GRXCR2: variants seen among roughly 807,000 people sequenced by gnomAD.
GRXCR2 encodes the protein glutaredoxin domain-containing cysteine-rich protein 2.
GRXCR2 carries 23 observed loss-of-function variants against 24.8 expected under a neutral mutation model. The ratio of observed to expected loss-of-function variants is 0.93; its 90% confidence interval spans 0.67 to 1.32. The LOEUF (loss-of-function observed/expected upper bound fraction) is 1.32. Among genes scored for constraint, GRXCR2 ranks in the 40% most tolerant of loss-of-function variants. The pLI is 0.00. For synonymous variants in GRXCR2, 130 were observed against 116.1 expected (o/e 1.12, Z -0.77); for missense variants, 315 against 303.4 (o/e 1.04, Z -0.28).
chr5:145,908,177 C>CT (rs1757116209), intron 2 of GRXCR2, among the ~76,000 whole-genome samples: 1 of 152,144 alleles, frequency 6.6e-6, no homozygotes, highest in Non-Finnish European at 1.5e-5. Context: ...CCTCCAATCT[C>CT]AGAAGTCGAT....
rs1242005137 is a variant in GRXCR2, at chr5:145,858,968, A to T, written c.*765T>A. 1 of 152,208 alleles carries T rather than the reference A, an allele frequency of 6.6e-6. No individual in the cohort carries two copies. Among genetic ancestry groups the T allele is most frequent in the East Asian group, 1.9e-4 (1 of 5,206 alleles). The allele number at this position is 152,208 out of a possible 1,614,324, so 9.4% of individuals were successfully genotyped here. A position where few individuals can be genotyped will look rare whatever the true frequency, so the allele number is the denominator to read the frequency against. On this transcript the variant is annotated 3_prime_UTR_variant, in exon 3 of 3. Coordinates refer to ENST00000377976, the MANE Select transcript of GRXCR2 (RefSeq NM_001080516.2). ...AAGTGGATTTATTTATTTGGTAGTA[A>T]TTCAGGGGCTCGAAGAAGTTATATC...
upstream of GRXCR2, among the ~76,000 whole-genome samples, chr5:145,875,423 C>T (rs1756598228): frequency 6.6e-6 from 1 of 152,080 alleles, no homozygotes; most frequent in Non-Finnish European, 1.5e-5. Context: ...GTGGCAGGCA[C>T]TTATAGTCCC....
chr5:145,897,600 T>A (rs1333192173), intron 2 of GRXCR2, among the ~76,000 whole-genome samples: 1 of 151,754 alleles, frequency 6.6e-6, no homozygotes, highest in African/African-American at 2.4e-5. Context: ...CCAAAAAAAA[T>A]CACAATTATA....
At chr5:145,868,682 A>G (rs1210964534) in intron 1 of GRXCR2, among the ~76,000 whole-genome samples, 1 of 152,172 alleles carries the variant, frequency 6.6e-6, no homozygotes, top group Non-Finnish European at 1.5e-5. Flanking sequence ...TTTCAAGACA[A>G]AACTCTCAAT....
At chr5:145,863,578 T>C (rs553724793) in intron 2 of GRXCR2, among the ~76,000 whole-genome samples, 248 of 152,358 alleles carry the variant, frequency 1.6e-3, no homozygotes, top group African/African-American at 5.8e-3. Flanking sequence ...GTATGATAGA[T>C]AATAGAATTA....
chr5:145,858,314 C>CCCAAA (rs1756273789), downstream of GRXCR2, among the ~76,000 whole-genome samples: 1 of 28,488 alleles, frequency 3.5e-5, no homozygotes, highest in Non-Finnish European at 8.0e-5. Flanking sequence ...CTCTGTCTCC[C>CCCAAA]ACAAAAAAAA....
At chr5:145,896,769 C>T (rs1026821072) in intron 2 of GRXCR2, among the ~76,000 whole-genome samples, 28 of 152,116 alleles carry the variant, frequency 1.8e-4, no homozygotes, top group African/African-American at 6.5e-4. Context: ...TTTGACCCAG[C>T]AATCCCATTA....
chr5:145,890,652 C>A (rs1042528998), intron 2 of GRXCR2, among the ~76,000 whole-genome samples: 7 of 152,056 alleles, frequency 4.6e-5, no homozygotes, highest in Non-Finnish European at 1.0e-4. Context: ...AGAATGATAC[C>A]TGTTACCACA....
intron 2 of GRXCR2, among the ~76,000 whole-genome samples, chr5:145,916,118 C>T (rs975163229): frequency 3.9e-5 from 6 of 151,910 alleles, no homozygotes; most frequent in Admixed American, 6.6e-5. Context: ...GTGGAGGAAG[C>T]GGGGGGCGCT....
chr5:145,873,143 C>A (rs1756562476), upstream of GRXCR2: 3 of 601,660 alleles, frequency 5.0e-6, no homozygotes, highest in East Asian at 8.3e-5. Context: ...GATAGACCCT[C>A]ATGAAAAGGC....
At chr5:145,881,746 A>G (rs1040054586) in intron 2 of GRXCR2, among the ~76,000 whole-genome samples, 1 of 152,242 alleles carries the variant, frequency 6.6e-6, no homozygotes, top group African/African-American at 2.4e-5. Flanking sequence ...AACTGGAGGC[A>G]TCATGCTACC....
At position 145,905,930 on chromosome 5, in the gene GRXCR2, G is replaced by T. The variant is rs189061658; in HGVS notation, c.-70+29771C>A. On this transcript the variant is annotated intron_variant, in intron 2 of 3. Coordinates refer to the GRXCR2 transcript ENST00000639411. ...TAGCAAAGAGAATGTGGGAGTGCTT[G>T]GTGAGAGAGAAAACCAGAGGAATAG... is the stretch of plus-strand genomic sequence containing the variant. Among the ~76,000 whole-genome samples the T allele has an allele frequency of 6.5e-4, 99 of 152,302 alleles. 1 individual carries two copies. The highest frequency in any genetic ancestry group is 2.8e-4 in the Non-Finnish European group (19 of 68,032).
chr5:145,860,771 T>A (rs1756323760), intron 2 of GRXCR2, among the ~76,000 whole-genome samples: 1 of 152,178 alleles, frequency 6.6e-6, no homozygotes, highest in South Asian at 2.1e-4. Context: ...CCTCTCCCAA[T>A]CTGTTTCTTT....
At chr5:145,879,150 G>A (rs1349515727) in intron 2 of GRXCR2, among the ~76,000 whole-genome samples, 1 of 152,098 alleles carries the variant, frequency 6.6e-6, no homozygotes, top group Non-Finnish European at 1.5e-5. Context: ...AGGCAAAATA[G>A]CCAGCTAACA....
chr5:145,926,805 A>G lies in GRXCR2; in HGVS notation c.-70+8896T>C, dbSNP rs559648098. ...TTGATGGGGATGCCATTGAATCTAT[A>G]AATTACCTTGGGCAGTATGGCCATT... On this transcript the variant is annotated intron_variant, in intron 2 of 3. Transcript: ENST00000639411. Among the ~76,000 whole-genome samples the G allele has an allele frequency of 1.0e-3, 153 of 152,314 alleles. 1 individual carries two copies. Among genetic ancestry groups the G allele is most frequent in the African/African-American group, 3.5e-3 (147 of 41,566 alleles).
At chr5:145,889,176 GAAAGAA>G (rs1756822327) in intron 2 of GRXCR2, among the ~76,000 whole-genome samples, 1 of 73,618 alleles carries the variant, frequency 1.4e-5, no homozygotes, top group Non-Finnish European at 2.7e-5. Flanking sequence ...CTCAAAAAAA[GAAAGAA>G]AGAAAGAAAG....
intron 2 of GRXCR2, among the ~76,000 whole-genome samples, chr5:145,928,481 T>C (rs535949279): frequency 6.6e-6 from 1 of 152,098 alleles, no homozygotes; most frequent in Non-Finnish European, 1.5e-5. Flanking sequence ...CTATTCACAA[T>C]AGCAAAGACT....
chr5:145,915,680 G>T (rs1483226361), intron 2 of GRXCR2, among the ~76,000 whole-genome samples: 1 of 151,520 alleles, frequency 6.6e-6, no homozygotes, highest in Non-Finnish European at 1.5e-5. Context: ...GTTGCAGTGA[G>T]CCCAGATCAT....
At chr5:145,884,073 G>A (rs1291324026) in intron 2 of GRXCR2, among the ~76,000 whole-genome samples, 1 of 152,174 alleles carries the variant, frequency 6.6e-6, no homozygotes, top group East Asian at 1.9e-4. Context: ...GGTGAGAGGG[G>A]TGCTATTTAC....
Sources: gnomAD v4.1 joint callset for allele counts (sites outside exome capture counted in the v4.1 genomes callset) on GRCh38, gnomAD v4.1.1 for gene constraint, MANE v1.5 for transcripts, NCBI Gene and HGNC (gene_info 2026-07-23, HGNC 2026-07-21) for gene names.